ZC3H7A: variants seen among roughly 807,000 people sequenced by gnomAD.
ZC3H7A encodes the protein zinc finger CCCH domain-containing protein 7A.
A neutral mutation model predicts 125.5 loss-of-function variants in ZC3H7A; 44 were observed. The ratio of observed to expected loss-of-function variants is 0.35; its 90% CI spans 0.28 to 0.45. The LOEUF (loss-of-function observed/expected upper bound fraction) is 0.45. Ranked by LOEUF, ZC3H7A falls within the 20% of genes least tolerant of loss-of-function variation. The probability of loss-of-function intolerance (pLI) is 1.00; values close to 1 mark genes in which losing one functional copy is unlikely to be tolerated. For missense variants in ZC3H7A, 977 were observed against 1,170.7 expected, an observed-to-expected ratio of 0.83 and a Z score of 2.41; for synonymous variants, 399 against 391.2, an observed-to-expected ratio of 1.02 and a Z score of -0.23.
intron 1 of ZC3H7A, among the ~76,000 whole-genome samples, chr16:11,789,720 T>G (rs928475472): frequency 6.6e-6 from 1 of 152,194 alleles, no homozygotes; most frequent in Non-Finnish European, 1.5e-5. Context: ...TCTGGTTGTT[T>G]CCAATCTTTA....
chr16:11,795,781 G>C (rs546429449), intron 1 of ZC3H7A, among the ~76,000 whole-genome samples: 1 of 152,212 alleles, frequency 6.6e-6, no homozygotes, highest in Admixed American at 6.5e-5. Context: ...ACTAAAAAAA[G>C]AGAAAAAGAA....
At chr16:11,768,945 T>C (rs2052918600) in intron 11 of ZC3H7A, 86 bp downstream of exon 11, 1 of 1,342,806 alleles carries the variant, frequency 7.4e-7, no homozygotes, top group Admixed American at 2.3e-5. Flanking sequence ...TAAGGGAGAC[T>C]GTCATGTTCA....
chr16:11,761,346 A>T, intron 19 of ZC3H7A, 60 bp downstream of exon 19: 1 of 1,470,972 alleles, frequency 6.8e-7, no homozygotes, highest in South Asian at 1.1e-5. Flanking sequence ...AATTACTACT[A>T]TTTTCTAATG....
chr16:11,782,899 C>T, intron 1 of ZC3H7A: 1 of 153,592 alleles, frequency 6.5e-6, no homozygotes, highest in Non-Finnish European at 1.5e-5. Flanking sequence ...TAGGTGTGAG[C>T]CACAGCGCCT....
At chr16:11,767,383 T>C in intron 13 of ZC3H7A, 34 bp downstream of exon 13, 1 of 1,430,600 alleles carries the variant, frequency 7.0e-7, no homozygotes. Context: ...ATCACTTATG[T>C]AATGTATACT....
chr16:11,751,319 A>C lies in ZC3H7A; in HGVS notation c.2914T>G (p.Ter972GluextTer7). ...KYSFLFKDLN[*>E] ...TATCATACATAAAAGCCAGCATATT[A>C]GTTTAAATCTTTAAACAAAAAACTA... The change falls in exon 23 of 23, where the codon TAA becomes GAA. Residue 972 changes from the stop codon to glutamate (E), a stop_lost. Coordinates refer to ENST00000355758, the MANE Select transcript of ZC3H7A (RefSeq NM_014153.4). 1 of 1,610,344 alleles carries C rather than the reference A, an allele frequency of 6.2e-7. No homozygotes were observed. Among genetic ancestry groups the C allele is most frequent in the Non-Finnish European group, 8.5e-7 (1 of 1,178,452 alleles).
At chr16:11,776,139 C>G (rs1053148567) in intron 7 of ZC3H7A, among the ~76,000 whole-genome samples, 181 bp downstream of exon 7, 11 of 150,588 alleles carry the variant, frequency 7.3e-5, no homozygotes, top group Admixed American at 3.3e-4. Context: ...CCAGCCTGGG[C>G]AACAGAACAA....
At chr16:11,770,412 T>TGC (rs1274833947) in intron 10 of ZC3H7A, among the ~76,000 whole-genome samples, 10 of 152,174 alleles carry the variant, frequency 6.6e-5, no homozygotes, top group Non-Finnish European at 1.3e-4. Flanking sequence ...TGATCTTAAA[T>TGC]TAGTGTTTGC....
rs2052759602 is a variant in ZC3H7A at position 11,761,941 on chromosome 16, T to C, written c.2182A>G (p.Arg728Gly). ...CTTGCTTTTGCACTACAATATTTTC[T>C]GTTTTTGTCTGGTTCAATGACTTGA... ...NGQVIEPDKN[R>G]KYCSAKARHS... Residue 728 changes from arginine (R) to glycine (G), a missense_variant, in exon 18 of 23, where the codon AGA (arginine) becomes GGA (glycine). By Grantham distance (125) the Arg-to-Gly change is moderately radical. Coordinates refer to ENST00000355758, the MANE Select transcript of ZC3H7A (RefSeq NM_014153.4). 1.9e-6 allele frequency: 3 copies of C among 1,613,286 alleles called. No homozygotes were observed. The highest frequency in any genetic ancestry group is 2.5e-6 in the Non-Finnish European group (3 of 1,179,852).
intron 4 of ZC3H7A, among the ~76,000 whole-genome samples, chr16:11,778,713 T>G (rs2141204877): frequency 6.6e-6 from 1 of 152,144 alleles, no homozygotes; most frequent in African/African-American, 2.4e-5. Context: ...TTTTATTTTT[T>G]TATTTTATTT....
Position 11,765,198 on chromosome 16 carries a change from A to T in ZC3H7A, c.1720-45T>A. On this transcript the variant is annotated intron_variant, in intron 14 of 22. Transcript: ENST00000355758. The surrounding 1 kb of genome is among the most constrained non-coding windows in gnomAD (Gnocchi z 4.8). ...ATTATCAAAAAAAATACAAAATATAAATTTTGTACCCAGAATATTGTCCTA... is the reference window on the plus strand; with the variant it reads ...ATTATCAAAAAAAATACAAAATATATATTTTGTACCCAGAATATTGTCCTA... 1.6e-6 allele frequency: 2 copies of T among 1,218,128 alleles called. No individual in the cohort carries two copies. The highest frequency in any genetic ancestry group is 2.3e-6 in the Non-Finnish European group (2 of 878,996). The allele number at this position is 1,218,128 out of a possible 1,614,324, so 75.5% of individuals were successfully genotyped here.
chr16:11,786,163 C>A (rs1296199631), intron 1 of ZC3H7A, among the ~76,000 whole-genome samples: 1 of 152,172 alleles, frequency 6.6e-6, no homozygotes, highest in Non-Finnish European at 1.5e-5. Flanking sequence ...ATCCTCTGAG[C>A]CCTTCCTTGG....
chr16:11,771,446 T>G (rs2052980082), intron 9 of ZC3H7A, among the ~76,000 whole-genome samples: 1 of 151,956 alleles, frequency 6.6e-6, no homozygotes, highest in Non-Finnish European at 1.5e-5. Context: ...TTAAAACAAT[T>G]TTAGCTACAG....
Position 11,751,380 on chromosome 16 carries a change from G to A in ZC3H7A, c.2853C>T (p.His951=). The part of the protein sequence containing the change: ...KMKLNKARKD[H]LIGPNDNDFG... ...AGTCATTATCATTTGGGCCAATTAA[G>A]TGATCTTTTCGTGCTTTGTTGAGCT... Residue 951 remains histidine (H), a synonymous_variant, in exon 23 of 23, where the codon CAC becomes CAT. Coordinates refer to ENST00000355758, the MANE Select transcript of ZC3H7A (RefSeq NM_014153.4). The A allele has an allele frequency of 6.2e-7, 1 of 1,614,038 alleles. No homozygotes were observed. Among genetic ancestry groups the A allele is most frequent in the East Asian group, 2.2e-5 (1 of 44,882 alleles).
chr16:11,783,077 A>AGTT (rs2053200060), intron 1 of ZC3H7A: 1 of 152,216 alleles, frequency 6.6e-6, no homozygotes, highest in Admixed American at 6.5e-5. Flanking sequence ...TCCCTAGAAC[A>AGTT]GTTCCAGCCT....
intron 7 of ZC3H7A, among the ~76,000 whole-genome samples, chr16:11,775,302 T>A (rs2053060605): frequency 6.9e-6 from 1 of 145,534 alleles, no homozygotes; most frequent in South Asian, 2.2e-4. Context: ...ACCCGGGAGG[T>A]GGAGGCTGCA....
intron 21 of ZC3H7A, among the ~76,000 whole-genome samples, chr16:11,754,513 G>A (rs762255694): frequency 1.3e-5 from 2 of 151,770 alleles, no homozygotes; most frequent in Non-Finnish European, 2.9e-5. Flanking sequence ...AGAGACGGAG[G>A]TGCCAAAAAA....
chr16:11,765,563 C>G lies in ZC3H7A; in HGVS notation c.1645G>C (p.Gly549Arg). The change falls in exon 14 of 23, where the codon GGC (glycine) becomes CGC (arginine). Residue 549 changes from glycine to arginine, a missense_variant. Physicochemically the swap from Gly to Arg is moderately radical, Grantham distance 125. Coordinates refer to ENST00000355758, the MANE Select transcript of ZC3H7A (RefSeq NM_014153.4). The surrounding 1 kb of genome is among the most constrained non-coding windows in gnomAD (Gnocchi z 4.8). ...GAFSREAFFG[G>R]NGKINLTVFK... The stretch of plus-strand genomic sequence containing the variant: ...ACAGTAAGGTTAATCTTTCCATTGC[C>G]GCCAAAGAAAGCCTCCCGGCTGAAT... The G allele has an allele frequency of 6.2e-7, 1 of 1,614,150 alleles. No individual in the cohort carries two copies. Among genetic ancestry groups the G allele is most frequent in the South Asian group, 1.1e-5 (1 of 91,078 alleles).
intron 1 of ZC3H7A, among the ~76,000 whole-genome samples, chr16:11,791,414 G>A (rs930797288): frequency 6.6e-6 from 1 of 151,996 alleles, no homozygotes; most frequent in Non-Finnish European, 1.5e-5. Context: ...ATCCACAAGT[G>A]GGCTTAAATA....
Sources: allele counts gnomAD v4.1 joint callset (sites outside exome capture counted in the v4.1 genomes callset), GRCh38; gene constraint gnomAD v4.1.1; non-coding constraint Gnocchi (gnomAD v3.1); transcripts MANE v1.5; gene names NCBI Gene and HGNC (gene_info 2026-07-23, HGNC 2026-07-21).